The following ZNF385D variants were observed in gnomAD, a reference collection of about 807,000 sequenced individuals.
ZNF385D encodes the protein zinc finger protein 385D.
In ZNF385D, 15 loss-of-function variants were observed where a neutral mutation model predicts 35.8. That is an observed-to-expected ratio of 0.42 (90% CI 0.28 to 0.64). The LOEUF (loss-of-function observed/expected upper bound fraction) is 0.64, where lower values mean the gene tolerates loss of function less well. Among genes scored for constraint, ZNF385D ranks in the 30% least tolerant of loss-of-function variants. The pLI is 0.23. For synonymous variants in ZNF385D, 212 were observed against 186.8 expected (o/e 1.13, Z -1.10); for missense variants, 474 against 494.6 (o/e 0.96, Z 0.39).
At chr3:22,044,021 T>G (rs1698833568) in intron 3 of ZNF385D, among the ~76,000 whole-genome samples, 1 of 152,112 alleles carries the variant, frequency 6.6e-6, no homozygotes, top group East Asian at 1.9e-4. Context: ...TCTCAGATCT[T>G]TAAAGGAAGT....
In ZNF385D at chr3:21,863,223, A is replaced by G. The variant is rs1394134147; in HGVS notation, c.326-198195T>C. 2.0e-5 allele frequency among the ~76,000 whole-genome samples: 3 copies of G among 152,220 alleles called. 1 individual carries two copies. Among genetic ancestry groups the G allele is most frequent in the Admixed American group, 6.5e-5 (1 of 15,270 alleles). On this transcript the variant is annotated intron_variant, in intron 3 of 5. Transcript: ENST00000494108. ...TAAAAAGAGCTAAAACAATATACTG[A>G]TAGCTTCATTTCTTTTATTTCTTGA...
rs1311304425 is a variant in ZNF385D, at chr3:21,694,508, C to A, written c.23-29480G>T. The stretch of plus-strand genomic sequence containing the variant: ...TTCTCTCAGCCCTCTGGAACAGTAA[C>A]TGGTCACAGCCAGATCTGGGTACTC... On this transcript the variant is annotated intron_variant, in intron 1 of 7. Transcript: ENST00000281523. Among the ~76,000 whole-genome samples the A allele has an allele frequency of 2.0e-5, 3 of 152,196 alleles. No individual in the cohort carries two copies. The South Asian group carries it at 6.2e-4, about 31-fold the overall frequency.
At chr3:21,471,251 CCTTTCTCTCTCTCTCT>C (rs1397105379) in intron 4 of ZNF385D, among the ~76,000 whole-genome samples, 1 of 112,684 alleles carries the variant, frequency 8.9e-6, no homozygotes, top group Non-Finnish European at 2.0e-5. Context: ...TCCCTCCCTC[CCTTTCTCTCTCTCTCT>C]CTCTCTTTCT....
At chr3:22,079,088 C>A (rs1365556966) in intron 3 of ZNF385D, among the ~76,000 whole-genome samples, 1 of 151,944 alleles carries the variant, frequency 6.6e-6, no homozygotes, top group Admixed American at 6.6e-5. Flanking sequence ...AAAATGTGAA[C>A]AGAAGTGTGG....
chr3:21,525,832 C>T (rs581936), intron 3 of ZNF385D, among the ~76,000 whole-genome samples: 113,756 of 151,964 alleles, frequency 0.75, 42,815 homozygotes, highest in East Asian at 0.89. Context: ...TTAGTAAACA[C>T]CTACATTTTA....
intron 3 of ZNF385D, among the ~76,000 whole-genome samples, chr3:21,796,486 GAATT>G (rs1191038610): frequency 3.3e-5 from 5 of 152,230 alleles, no homozygotes; most frequent in Admixed American, 6.5e-5. Flanking sequence ...CAAAATTTGA[GAATT>G]ATTTAATGTA....
At chr3:21,974,725 G>GA (rs1043943757) in intron 3 of ZNF385D, among the ~76,000 whole-genome samples, 11 of 151,568 alleles carry the variant, frequency 7.3e-5, no homozygotes, top group Admixed American at 2.0e-4. Context: ...AACTCAATAA[G>GA]AAAAAAAACC....
chr3:22,179,127 C>T (rs1453888734), intron 2 of ZNF385D, among the ~76,000 whole-genome samples: 1 of 152,068 alleles, frequency 6.6e-6, no homozygotes, highest in African/African-American at 2.4e-5. Flanking sequence ...TGAAGAAGGT[C>T]ATTGGTAGCT....
chr3:22,070,732 G>C (rs1184223608), intron 3 of ZNF385D, among the ~76,000 whole-genome samples: 4 of 152,090 alleles, frequency 2.6e-5, no homozygotes, highest in African/African-American at 9.7e-5. Flanking sequence ...TTAAGGGTAA[G>C]GGGAATCTAT....
intron 2 of ZNF385D, among the ~76,000 whole-genome samples, chr3:22,245,562 T>C (rs949841018): frequency 1.3e-5 from 2 of 152,066 alleles, no homozygotes; most frequent in African/African-American, 4.8e-5. Context: ...CCTTAATTGG[T>C]ATTTTAAAGT....
At chr3:21,485,203 T>A (rs1193206832) in intron 4 of ZNF385D, among the ~76,000 whole-genome samples, 1 of 152,222 alleles carries the variant, frequency 6.6e-6, no homozygotes, top group African/African-American at 2.4e-5. Flanking sequence ...ATTTCACATG[T>A]ACGTGTTTCT....
intron 2 of ZNF385D, among the ~76,000 whole-genome samples, chr3:22,343,306 T>C (rs186711093): frequency 1.3e-5 from 2 of 152,336 alleles, no homozygotes; most frequent in Non-Finnish European, 2.9e-5. Context: ...CAGATCTACG[T>C]TTCCATTTCA....
intron 3 of ZNF385D, among the ~76,000 whole-genome samples, chr3:22,095,152 CTA>C (rs1051796751): frequency 2.2e-5 from 3 of 138,066 alleles, no homozygotes; most frequent in Non-Finnish European, 4.6e-5. Flanking sequence ...GTCTCAAACT[CTA>C]AAACTCCTGG....
intron 2 of ZNF385D, among the ~76,000 whole-genome samples, chr3:22,170,194 G>A (rs751823532): frequency 2.3e-4 from 35 of 152,108 alleles, no homozygotes; most frequent in Non-Finnish European, 3.8e-4. Flanking sequence ...TGATTTTAAT[G>A]TGCATTTATG....
chr3:21,442,399 G>A (rs928395736), intron 4 of ZNF385D, among the ~76,000 whole-genome samples: 1 of 152,128 alleles, frequency 6.6e-6, no homozygotes, highest in African/African-American at 2.4e-5. Context: ...GTGAATTTAA[G>A]TCTCACTCAG....
chr3:22,219,002 A>G (rs1698074263), intron 2 of ZNF385D, among the ~76,000 whole-genome samples: 1 of 152,098 alleles, frequency 6.6e-6, no homozygotes, highest in Admixed American at 6.6e-5. Flanking sequence ...ATAATCTAGC[A>G]ATTCCTCTTT....
At chr3:21,630,465 A>G (rs2065249984) in intron 2 of ZNF385D, among the ~76,000 whole-genome samples, 1 of 151,984 alleles carries the variant, frequency 6.6e-6, no homozygotes, top group Admixed American at 6.6e-5. Context: ...TCAACCTCCC[A>G]AAGTGCTGGG....
intron 7 of ZNF385D, among the ~76,000 whole-genome samples, chr3:21,422,816 C>T (rs1444348856): frequency 2.0e-5 from 3 of 152,024 alleles, no homozygotes; most frequent in Admixed American, 6.6e-5. Flanking sequence ...CTCAATAAAC[C>T]ATGTAATGAG....
intron 1 of ZNF385D, among the ~76,000 whole-genome samples, chr3:21,691,847 G>A (rs988940278): frequency 2.0e-5 from 3 of 152,084 alleles, no homozygotes; most frequent in Non-Finnish European, 2.9e-5. Context: ...TTCATCATCC[G>A]AAAGTGAAAT....
Sources: gnomAD v4.1 joint callset for allele counts (sites outside exome capture counted in the v4.1 genomes callset) on GRCh38, gnomAD v4.1.1 for gene constraint, MANE v1.5 for transcripts, NCBI Gene and HGNC (gene_info 2026-07-23, HGNC 2026-07-21) for gene names.